Variants in PPP3R1 observed in about 807,000 individuals in gnomAD.
PPP3R1 encodes calcineurin subunit B type 1.
In PPP3R1, 5 loss-of-function variants were observed where a neutral mutation model predicts 22.6. The observed-to-expected ratio is 0.22, with a 90% CI of 0.12 to 0.46. The LOEUF is 0.46. PPP3R1 is among the 20% of genes least tolerant of loss of function. The pLI, the probability that PPP3R1 is intolerant of heterozygous loss-of-function variation, is 0.99. For synonymous variants in PPP3R1, 56 were observed against 65.2 expected, an observed-to-expected ratio of 0.86 and a Z score of 0.68; for missense variants, 61 against 203.2, an observed-to-expected ratio of 0.30 and a Z score of 4.25.
intron 1 of PPP3R1, among the ~76,000 whole-genome samples, chr2:68,239,413 A>T (rs1433377700): frequency 2.0e-5 from 3 of 152,224 alleles, no homozygotes; most frequent in Admixed American, 2.0e-4. Flanking sequence ...GTAAAAAAGT[A>T]TGACTGTACA....
rs571494664 is a variant in PPP3R1, at chr2:68,197,331, G to A, written c.44-8641C>T. 2.0e-5 allele frequency among the ~76,000 whole-genome samples: 3 copies of A among 152,198 alleles called. No homozygotes were observed. The East Asian group carries it at 5.8e-4, about 29-fold the overall frequency. The stretch of plus-strand genomic sequence containing the variant: ...ATCTTCTTTTACTCACCAAGTTTTT[G>A]ACACTAATCCATGTTGTTGCATGTG... On this transcript the variant is annotated intron_variant, in intron 2 of 5. Coordinates refer to ENST00000234310, the MANE Select transcript of PPP3R1 (RefSeq NM_000945.4).
chr2:68,199,734 T>C (rs966663679), intron 2 of PPP3R1, among the ~76,000 whole-genome samples: 2 of 152,234 alleles, frequency 1.3e-5, no homozygotes, highest in Admixed American at 1.3e-4. Context: ...TTTGTCAAAA[T>C]AGTAAATTAC....
intron 2 of PPP3R1, among the ~76,000 whole-genome samples, chr2:68,197,835 C>T (rs1674821563): frequency 6.6e-6 from 1 of 151,398 alleles, no homozygotes; most frequent in Non-Finnish European, 1.5e-5. Flanking sequence ...AGAATTTTTT[C>T]CCTTTATGAT....
intron 1 of PPP3R1, among the ~76,000 whole-genome samples, chr2:68,236,594 A>T (rs1420112960): frequency 6.6e-6 from 1 of 152,192 alleles, no homozygotes; most frequent in Non-Finnish European, 1.5e-5. Context: ...ATAGCTATGT[A>T]CTGGTGAGGG....
intron 2 of PPP3R1, among the ~76,000 whole-genome samples, chr2:68,197,003 G>C (rs1226120907): frequency 6.6e-6 from 1 of 152,186 alleles, no homozygotes; most frequent in Non-Finnish European, 1.5e-5. Context: ...GGAATTACAG[G>C]TGTGAGGCAC....
At chr2:68,242,962 C>CG (rs922373261) in intron 1 of PPP3R1, among the ~76,000 whole-genome samples, 4 of 152,164 alleles carry the variant, frequency 2.6e-5, no homozygotes, top group Admixed American at 6.5e-5. Context: ...AATGAATACT[C>CG]TGTGTTCTTT....
rs1558641516 is a variant in PPP3R1 at position 68,232,253 on chromosome 2, GTGTGTGTGTGTGTATATA to G, written c.4-15140_4-15123del. Among the ~76,000 whole-genome samples the G allele has an allele frequency of 1.3e-3, 88 of 69,560 alleles. 1 individual carries two copies. Among genetic ancestry groups the G allele is most frequent in the African/African-American group, 7.8e-3 (70 of 9,018 alleles). 45.6% of individuals were successfully genotyped at this position (69,560 alleles called of 152,430 possible). On this transcript the variant is annotated intron_variant, in intron 1 of 5. Coordinates refer to ENST00000234310, the MANE Select transcript of PPP3R1 (RefSeq NM_000945.4). The stretch of plus-strand genomic sequence containing the variant: ...TGTGTGTGTGTGTGTGTGTGTGTGT[GTGTGTGTGTGTGTATATA>G]TATATACACACACACAAAAATTAGC...
At chr2:68,216,969 CA>C (rs1285883607) in intron 2 of PPP3R1, 122 bp downstream of exon 2, 1 of 667,978 alleles carries the variant, frequency 1.5e-6, no homozygotes, top group Non-Finnish European at 2.4e-6. Flanking sequence ...TAAGGGCTCA[CA>C]TTGCTACAAA....
At chr2:68,204,396 C>T (rs937381518) in intron 2 of PPP3R1, among the ~76,000 whole-genome samples, 1 of 128,360 alleles carries the variant, frequency 7.8e-6, no homozygotes, top group Non-Finnish European at 1.7e-5. Context: ...CAAATCTAGT[C>T]TTGCCTAGAA....
intron 2 of PPP3R1, among the ~76,000 whole-genome samples, chr2:68,198,088 A>AAAAAAAAAAAAAAAAAAAAAAC (rs1674833211): frequency 7.4e-6 from 1 of 135,746 alleles, no homozygotes; most frequent in African/African-American, 2.8e-5. Context: ...AAAAAAAAAA[A>AAAAAAAAAAAAAAAAAAAAAAC]AGCATATATA....
At chr2:68,189,946 A>G (rs1437941880) in intron 2 of PPP3R1, among the ~76,000 whole-genome samples, 4 of 152,076 alleles carry the variant, frequency 2.6e-5, no homozygotes, top group Non-Finnish European at 4.4e-5. Context: ...TATACTGCCC[A>G]TGAGTATATA....
rs1251793580 is a variant in PPP3R1 at position 68,234,955 on chromosome 2, T to C, written c.3+17170A>G. ...AAGTAGAGAGAAAACTAAAGGTTAG[T>C]AAAATGGAGGTGGTCAACAAACACT... is the stretch of plus-strand genomic sequence containing the variant. On this transcript the variant is annotated intron_variant, in intron 1 of 5. Transcript: ENST00000234310. Among the ~76,000 whole-genome samples, 3 of 152,138 alleles carry C rather than the reference T, an allele frequency of 2.0e-5. No individual in the cohort carries two copies. In the East Asian group the frequency reaches 5.8e-4, roughly 29 times the overall value.
At chr2:68,252,075 A>G in intron 1 of PPP3R1, 50 bp downstream of exon 1, 2 of 1,381,368 alleles carry the variant, frequency 1.4e-6, no homozygotes, top group South Asian at 1.5e-5. Context: ...CCCGACCCGG[A>G]CGGCGGCAGT....
chr2:68,228,632 T>C (rs1669830491), intron 1 of PPP3R1, among the ~76,000 whole-genome samples: 1 of 152,084 alleles, frequency 6.6e-6, no homozygotes, highest in Non-Finnish European at 1.5e-5. Flanking sequence ...TTCTCTATTG[T>C]TTCTGTTTTT....
chr2:68,185,227 A>T (rs1421677826), intron 5 of PPP3R1, among the ~76,000 whole-genome samples: 2 of 151,000 alleles, frequency 1.3e-5, no homozygotes, highest in Non-Finnish European at 3.0e-5. Flanking sequence ...CAAAAAAAAA[A>T]AAAAAGAAAG....
intron 2 of PPP3R1, among the ~76,000 whole-genome samples, chr2:68,209,348 G>A (rs1205753366): frequency 1.2e-5 from 1 of 80,672 alleles, no homozygotes; most frequent in Non-Finnish European, 2.2e-5. Context: ...GACAGAGCGA[G>A]ACTCTGTCTC....
At chr2:68,247,204 C>T (rs1189868832) in intron 1 of PPP3R1, among the ~76,000 whole-genome samples, 2 of 152,164 alleles carry the variant, frequency 1.3e-5, no homozygotes, top group Admixed American at 6.5e-5. Flanking sequence ...CCATCTGCCT[C>T]GGCCTCCCAA....
At chr2:68,242,252 C>A (rs950794847) in intron 1 of PPP3R1, among the ~76,000 whole-genome samples, 1 of 151,950 alleles carries the variant, frequency 6.6e-6, no homozygotes, top group Admixed American at 6.6e-5. Flanking sequence ...CATGGTGAAA[C>A]CCTGTCTCTA....
Position 68,238,599 on chromosome 2 carries a change from T to C in PPP3R1, c.3+13526A>G, listed in dbSNP as rs183563443. On this transcript the variant is annotated intron_variant, in intron 1 of 5. Coordinates refer to ENST00000234310, the MANE Select transcript of PPP3R1 (RefSeq NM_000945.4). The stretch of plus-strand genomic sequence containing the variant: ...TAGCCTTGACTTTCAAATGAAAGCA[T>C]TGACATAAGATTTCCTCATCCAAAG... Among the ~76,000 whole-genome samples the C allele has an allele frequency of 5.9e-5, 9 of 152,278 alleles. No homozygotes were observed. In the South Asian group the frequency reaches 8.3e-4, roughly 14 times the overall value.
Sources: gnomAD v4.1 joint callset for allele counts (sites outside exome capture counted in the v4.1 genomes callset) on GRCh38, gnomAD v4.1.1 for gene constraint, MANE v1.5 for transcripts, NCBI Gene and HGNC (gene_info 2026-07-23, HGNC 2026-07-21) for gene names.